The following XPOT variants were observed in gnomAD, a reference collection of about 807,000 sequenced individuals.
XPOT encodes exportin-T.
XPOT carries 34 observed loss-of-function variants against 128.2 expected under a neutral mutation model. The observed-to-expected ratio is 0.27, with a 90% CI of 0.20 to 0.35. The LOEUF is 0.35. XPOT is among the 10% of genes least tolerant of loss of function. The pLI, the probability that XPOT is intolerant of heterozygous loss-of-function variation, is 1.00. For synonymous variants in XPOT, 348 were observed against 394.3 expected (o/e 0.88, Z 1.39); for missense variants, 838 against 1,125.3 (o/e 0.74, Z 3.65).
intron 23 of XPOT, among the ~76,000 whole-genome samples, chr12:64,440,456 A>G (rs1413249514): frequency 2.6e-5 from 4 of 152,228 alleles, no homozygotes; most frequent in Non-Finnish European, 5.9e-5. Context: ...GCTGATTCCA[A>G]TTCTTTTAGA....
At chr12:64,407,946 A>G (rs1001604046) in intron 1 of XPOT, among the ~76,000 whole-genome samples, 11 of 152,134 alleles carry the variant, frequency 7.2e-5, no homozygotes, top group African/African-American at 2.2e-4. Context: ...AGAAAAGCCT[A>G]TTGTAGGTAT....
intron 18 of XPOT, among the ~76,000 whole-genome samples, chr12:64,433,030 C>A (rs1277373687): frequency 3.3e-5 from 5 of 152,178 alleles, no homozygotes; most frequent in Admixed American, 6.5e-5. Context: ...ACCTCCACCT[C>A]TCAGGTTCAA....
chr12:64,422,773 A>T (rs2040151026), intron 9 of XPOT, among the ~76,000 whole-genome samples: 1 of 152,008 alleles, frequency 6.6e-6, no homozygotes, highest in Non-Finnish European at 1.5e-5. Context: ...GTGGTGGCAC[A>T]TGCCTGCGGT....
chr12:64,406,149 C>G (rs567881307), intron 1 of XPOT, among the ~76,000 whole-genome samples: 12 of 152,354 alleles, frequency 7.9e-5, no homozygotes, highest in African/African-American at 2.4e-4. Context: ...GATCTCCGCT[C>G]ACTGCAACCT....
At position 64,444,197 on chromosome 12, in the gene XPOT, T is replaced by C. The variant is rs187160991; in HGVS notation, c.2806-878T>C. Among the ~76,000 whole-genome samples the C allele has an allele frequency of 5.6e-3, 857 of 152,334 alleles. 4 individuals are homozygous for C. The highest frequency in any genetic ancestry group is 0.031 in the Middle Eastern group (9 of 294). On this transcript the variant is annotated intron_variant, in intron 23 of 24. Transcript: ENST00000332707. ...TCTAGCTCTGTTTGGTTATCCCTCT[T>C]ACTAGATGTGAGCAGCCGTAGCAAT... is the stretch of plus-strand genomic sequence containing the variant.
chr12:64,432,281 T>C (rs967959274), intron 18 of XPOT, among the ~76,000 whole-genome samples: 1 of 152,258 alleles, frequency 6.6e-6, no homozygotes, highest in African/African-American at 2.4e-5. Flanking sequence ...AGTCTCACTC[T>C]GTCACATAGG....
chr12:64,424,463 A>G (rs1381431963), intron 11 of XPOT, 136 bp from the exon 12 acceptor site: 2 of 727,254 alleles, frequency 2.8e-6, no homozygotes, highest in Non-Finnish European at 3.9e-6. Context: ...TTTAATTTTT[A>G]TTATTATACT....
chr12:64,429,983 C>CT, intron 16 of XPOT, 66 bp from the exon 17 acceptor site: 2 of 1,420,020 alleles, frequency 1.4e-6, no homozygotes, highest in Non-Finnish European at 1.9e-6. Context: ...TCCTAATGCA[C>CT]TTTTTCTCAT....
At chr12:64,415,406 G>A (rs188169791) in intron 3 of XPOT, among the ~76,000 whole-genome samples, 269 of 151,286 alleles carry the variant, frequency 1.8e-3, no homozygotes, top group African/African-American at 6.0e-3. Context: ...ATGGAGTCTC[G>A]CTTTGTCGCC....
At chr12:64,412,677 C>A (rs181794433) in intron 2 of XPOT, among the ~76,000 whole-genome samples, 1 of 152,242 alleles carries the variant, frequency 6.6e-6, no homozygotes, top group Admixed American at 6.5e-5. Context: ...CTGTGGACAC[C>A]AACTGGGTGT....
chr12:64,435,039 T>G, intron 21 of XPOT, 130 bp downstream of exon 21: 1 of 739,502 alleles, frequency 1.4e-6, no homozygotes. Context: ...TCAGGGTTCT[T>G]TTTTTAAAGA....
At position 64,424,592 on chromosome 12, in the gene XPOT, A is replaced by G. The variant is rs1276478175; in HGVS notation, c.1183-7A>G. On this transcript the variant is annotated splice_polypyrimidine_tract_variant and splice_region_variant and intron_variant, in intron 11 of 24. Transcript: ENST00000332707. Reference sequence around the variant, plus strand: ...TTTTTGAATGAGGATTTTAACCTGTATCATAGGGTGAAGATGAAGCCATGT... The same window carrying G: ...TTTTTGAATGAGGATTTTAACCTGTGTCATAGGGTGAAGATGAAGCCATGT... The G allele has an allele frequency of 2.5e-6, 4 of 1,611,742 alleles. No individual in the cohort carries two copies. Among genetic ancestry groups the G allele is most frequent in the African/African-American group, 1.3e-5 (1 of 74,846 alleles).
At chr12:64,434,267 A>C (rs1401102895) in intron 19 of XPOT, among the ~76,000 whole-genome samples, 1 of 152,204 alleles carries the variant, frequency 6.6e-6, no homozygotes, top group Non-Finnish European at 1.5e-5. Flanking sequence ...AAGGGCTGGA[A>C]TTACAGACAG....
At chr12:64,418,015 CATT>C (rs771979258) in intron 4 of XPOT, 28 bp from the exon 5 acceptor site, 3 of 1,555,620 alleles carry the variant, frequency 1.9e-6, no homozygotes, top group Admixed American at 3.6e-5. Flanking sequence ...CAAATATAGC[CATT>C]ATTCTTTTTC....
chr12:64,423,072 A>G (rs974194260), intron 10 of XPOT, 29 bp downstream of exon 10: 3 of 1,610,882 alleles, frequency 1.9e-6, no homozygotes, highest in Non-Finnish European at 2.5e-6. Context: ...CTTTTAAACC[A>G]ATGATAGATT....
intron 11 of XPOT, among the ~76,000 whole-genome samples, chr12:64,423,801 A>G (rs1308888001): frequency 6.6e-6 from 1 of 152,196 alleles, no homozygotes. Flanking sequence ...ACATAGTAAA[A>G]TATTGATAAT....
chr12:64,443,796 C>T (rs144730607), intron 23 of XPOT, among the ~76,000 whole-genome samples: 2 of 152,034 alleles, frequency 1.3e-5, no homozygotes, highest in African/African-American at 4.8e-5. Context: ...CTGTTTTTTT[C>T]AAAAATAAAG....
intron 1 of XPOT, among the ~76,000 whole-genome samples, chr12:64,406,491 C>G (rs1212652442): frequency 6.6e-6 from 1 of 152,092 alleles, no homozygotes; most frequent in Non-Finnish European, 1.5e-5. Flanking sequence ...GCCTCAGCCT[C>G]CCGAATAGCT....
chr12:64,440,496 A>C lies in XPOT; in HGVS notation c.2805+1181A>C, dbSNP rs182196513. On this transcript the variant is annotated intron_variant, in intron 23 of 24. Transcript: ENST00000332707. ...TACCCAGAAGTGGGATTGCTGGATT[A>C]TATGGTAGTCCTATTTTTAATTTTT... Among the ~76,000 whole-genome samples, 127 of 152,324 alleles carry C rather than the reference A, an allele frequency of 8.3e-4. 1 individual carries two copies. The highest frequency in any genetic ancestry group is 3.4e-3 in the Admixed American group (52 of 15,300).
Sources: allele counts gnomAD v4.1 joint callset (sites outside exome capture counted in the v4.1 genomes callset), GRCh38; gene constraint gnomAD v4.1.1; transcripts MANE v1.5; gene names NCBI Gene and HGNC (gene_info 2026-07-23, HGNC 2026-07-21).